Variants in SYT7 observed in about 807,000 individuals in gnomAD.
SYT7 encodes synaptotagmin-7.
A neutral mutation model predicts 75.1 loss-of-function variants in SYT7; 29 were observed. The ratio of observed to expected loss-of-function variants is 0.39; its 90% confidence interval spans 0.29 to 0.53. SYT7 has a LOEUF of 0.53. Ranked by LOEUF, SYT7 falls within the 20% of genes least tolerant of loss-of-function variation. The pLI, the probability that SYT7 is intolerant of heterozygous loss-of-function variation, is 0.77. For synonymous variants in SYT7, 376 were observed against 401.7 expected (o/e 0.94, Z 0.76); for missense variants, 693 against 953.2 (o/e 0.73, Z 3.59).
At position 61,546,193 on chromosome 11, in the gene SYT7, C is replaced by A. The variant is rs750884816; in HGVS notation, c.410G>T (p.Gly137Val). Reference sequence around the variant, plus strand: ...CGGTGCCGGCTTCTCCCCCAGCCGGCCTTCCCGCTCCACCGCCAGCCCCGC... The same window carrying A: ...CGGTGCCGGCTTCTCCCCCAGCCGGACTTCCCGCTCCACCGCCAGCCCCGC... ...AAAGLAVERE[G>V]RLGEKPAPVP... is the part of the protein sequence containing the mutation. The change falls in exon 5 of 13, where the codon GGC becomes GTC. Residue 137 changes from glycine to valine, a missense_variant. Physicochemically the swap from Gly to Val is moderately radical, Grantham distance 109. Around this residue, in one of 2 missense-constraint regions of SYT7, gnomAD observed 487 missense variants for 593.2 expected, o/e 0.82. Transcript: ENST00000539008. The surrounding 1 kb of genome is among the most constrained non-coding windows in gnomAD (Gnocchi z 7.6). 820 of 1,513,938 alleles carry A rather than the reference C, an allele frequency of 5.4e-4. No homozygotes were observed. The highest frequency in any genetic ancestry group is 6.4e-4 in the Non-Finnish European group (733 of 1,138,326). 93.8% of individuals were successfully genotyped at this position (1,513,938 alleles called of 1,614,324 possible). A position where few individuals can be genotyped will look rare whatever the true frequency, so the allele number is the denominator to read the frequency against.
rs1417934337 is a variant in SYT7, at chr11:61,518,472, C to CG, written c.*154dup. The CG allele has an allele frequency of 2.0e-6, 1 of 489,916 alleles. No individual in the cohort carries two copies. Among genetic ancestry groups the CG allele is most frequent in the Non-Finnish European group, 3.6e-6 (1 of 278,186 alleles). The allele number at this position is 489,916 out of a possible 1,614,324, so 30.3% of individuals were successfully genotyped here. On this transcript the variant is annotated 3_prime_UTR_variant, in exon 13 of 13. Transcript: ENST00000539008. Reference sequence around the variant, plus strand: ...GGATGGGGCTGGTACTTCCTAGAAACGGGGCCCAGTTGAGTCCTGGGACCC... The same window carrying CG: ...GGATGGGGCTGGTACTTCCTAGAAACGGGGGCCCAGTTGAGTCCTGGGACCC...
At chr11:61,556,369 G>A (rs539248291) in intron 1 of SYT7, among the ~76,000 whole-genome samples, 162 bp from the exon 2 acceptor site, 77 of 152,280 alleles carry the variant, frequency 5.1e-4, no homozygotes, top group Admixed American at 1.8e-3. Flanking sequence ...GGATGAACTT[G>A]GGTAGTTTCC....
intron 7 of SYT7, among the ~76,000 whole-genome samples, chr11:61,534,276 C>T (rs2062797879): frequency 6.6e-6 from 1 of 152,230 alleles, no homozygotes; most frequent in African/African-American, 2.4e-5. Flanking sequence ...GCCTCCAGCA[C>T]ACAGGTGACC....
At chr11:61,536,808 T>C (rs1161619571) in intron 7 of SYT7, among the ~76,000 whole-genome samples, 1 of 152,166 alleles carries the variant, frequency 6.6e-6, no homozygotes, top group East Asian at 1.9e-4. Context: ...CCATCCTCCC[T>C]AGCCCACAAG....
intron 7 of SYT7, among the ~76,000 whole-genome samples, chr11:61,534,451 A>ACACG (rs1403068646): frequency 6.7e-6 from 1 of 149,448 alleles, no homozygotes; most frequent in East Asian, 2.0e-4. Flanking sequence ...GCACGCACAC[A>ACACG]CGCACGTGCG....
At chr11:61,533,752 G>T in intron 7 of SYT7, 1 of 845,224 alleles carries the variant, frequency 1.2e-6, no homozygotes, top group African/African-American at 1.8e-5. Context: ...GTGTGCACTT[G>T]AGCATTTGCA....
chr11:61,586,566 C>A, the SYT7 span, among the ~76,000 whole-genome samples: 6 of 152,210 alleles, frequency 3.9e-5, no homozygotes, highest in East Asian at 1.2e-3. Context: ...CTGTGAAAAT[C>A]TAATGAAGTC....
intron 1 of SYT7, among the ~76,000 whole-genome samples, chr11:61,559,918 G>GACCC (rs2063594673): frequency 6.6e-6 from 1 of 152,170 alleles, no homozygotes; most frequent in African/African-American, 2.4e-5. Context: ...ACTAGGCTGA[G>GACCC]ACCCTAGTCC....
Position 61,546,439 on chromosome 11 carries a change from G to A in SYT7, c.348-184C>T. ...CAGACGGACATGAGACAGACAGAGA[G>A]AGAGAGAGAGACATCAGCACTGCAA... On this transcript the variant is annotated intron_variant, in intron 4 of 12. Transcript: ENST00000539008. The surrounding 1 kb of genome is among the most constrained non-coding windows in gnomAD (Gnocchi z 7.6). The A allele has an allele frequency of 1.8e-6, 1 of 560,692 alleles. No individual in the cohort carries two copies. The highest frequency in any genetic ancestry group is 2.0e-5 in the African/African-American group (1 of 51,106). 34.7% of individuals were successfully genotyped at this position (560,692 alleles called of 1,614,324 possible).
chr11:61,537,845 G>A (rs968594089), intron 7 of SYT7, among the ~76,000 whole-genome samples: 9 of 152,126 alleles, frequency 5.9e-5, no homozygotes, highest in African/African-American at 2.2e-4. Context: ...GCAGAGAGGA[G>A]CCAAGCAGGA....
At chr11:61,586,325 G>A in the SYT7 span, among the ~76,000 whole-genome samples, 530 of 152,330 alleles carry the variant, frequency 3.5e-3, 1 homozygote, top group Non-Finnish European at 5.5e-3. Flanking sequence ...TTGGCCTTGG[G>A]CCTCTGCTCT....
chr11:61,555,725 C>T (rs1459274469), intron 2 of SYT7, among the ~76,000 whole-genome samples: 1 of 152,020 alleles, frequency 6.6e-6, no homozygotes, highest in Non-Finnish European at 1.5e-5. Context: ...GGGCTCTATT[C>T]TCAGTCTGCG....
Position 61,560,915 on chromosome 11 carries a change from C to T in SYT7, c.32-4708G>A, listed in dbSNP as rs547841069. On this transcript the variant is annotated intron_variant, in intron 1 of 12. Coordinates refer to ENST00000539008, the MANE Select transcript of SYT7 (RefSeq NM_001365809.2). ...AGGGCTGCTGTACCTCTCGCAGAGC[C>T]GAATCTGTCTCCCCAGAACTTTCCC... Among the ~76,000 whole-genome samples, 3 of 152,216 alleles carry T rather than the reference C, an allele frequency of 2.0e-5. No individual in the cohort carries two copies. In the South Asian group the frequency reaches 6.2e-4, roughly 32 times the overall value.
intron 3 of SYT7, among the ~76,000 whole-genome samples, chr11:61,550,333 G>T (rs974707495): frequency 1.3e-5 from 2 of 152,178 alleles, no homozygotes; most frequent in African/African-American, 4.8e-5. Context: ...GGTGGAGGGT[G>T]GGGGAGGAGT....
intron 6 of SYT7, chr11:61,540,464 A>G: frequency 1.0e-6 from 1 of 960,418 alleles, no homozygotes; most frequent in East Asian, 1.2e-4. Flanking sequence ...TGCCTCTTGC[A>G]AAGCCTAAAT....
intron 12 of SYT7, among the ~76,000 whole-genome samples, chr11:61,521,357 C>T (rs779861369): frequency 1.6e-4 from 25 of 152,356 alleles, no homozygotes; most frequent in Middle Eastern, 3.4e-3. Flanking sequence ...GAATATCCGA[C>T]ACCAAGAGGC....
the SYT7 span, among the ~76,000 whole-genome samples, chr11:61,586,611 A>G: frequency 6.6e-6 from 1 of 152,248 alleles, no homozygotes; most frequent in Non-Finnish European, 1.5e-5. Context: ...GTGCATATAC[A>G]AACACAGACA....
At chr11:61,583,950 A>G (rs546896607), upstream of SYT7, among the ~76,000 whole-genome samples, 67 of 152,318 alleles carry the variant, frequency 4.4e-4, no homozygotes, top group African/African-American at 1.5e-3. Context: ...ATACAGATTT[A>G]TGTGGCGCTG....
At chr11:61,564,987 T>C (rs2063729660) in intron 1 of SYT7, among the ~76,000 whole-genome samples, 2 of 152,182 alleles carry the variant, frequency 1.3e-5, no homozygotes, top group African/African-American at 4.8e-5. Flanking sequence ...TGCCCAGGGC[T>C]CTATCTCTGG....
Sources: allele counts gnomAD v4.1 joint callset (sites outside exome capture counted in the v4.1 genomes callset), GRCh38; gene constraint gnomAD v4.1.1; regional missense constraint gnomAD v4.1.1; non-coding constraint Gnocchi (gnomAD v3.1); transcripts MANE v1.5; gene names NCBI Gene and HGNC (gene_info 2026-07-23, HGNC 2026-07-21).